ASH1L: variants seen among roughly 807,000 people sequenced by gnomAD.
ASH1L encodes histone-lysine N-methyltransferase ASH1L.
A neutral mutation model predicts 269.0 loss-of-function variants in ASH1L; 23 were observed. The observed-to-expected ratio is 0.09, with a 90% CI of 0.06 to 0.12. ASH1L has a LOEUF of 0.12. Ranked by LOEUF, ASH1L falls within the 10% of genes least tolerant of loss-of-function variation. ASH1L has a pLI of 1.00. For synonymous variants in ASH1L, 1,187 were observed against 1,253.5 expected (o/e 0.95, Z 1.12); for missense variants, 2,912 against 3,567.8 (o/e 0.82, Z 4.68).
chr1:155,556,589 C>T (rs768490847), intron 1 of ASH1L, among the ~76,000 whole-genome samples: 4 of 152,002 alleles, frequency 2.6e-5, no homozygotes, highest in Non-Finnish European at 4.4e-5. Flanking sequence ...GGACTACAGG[C>T]ACATGCCACC....
chr1:155,556,401 CGTGT>C (rs71080711), intron 1 of ASH1L, among the ~76,000 whole-genome samples: 47,050 of 140,156 alleles, frequency 0.34, 8,699 homozygotes, highest in East Asian at 0.7. Context: ...CATATATATA[CGTGT>C]GTGTGTGTGT....
At chr1:155,468,127 TCTC>T in intron 3 of ASH1L, among the ~76,000 whole-genome samples, 1 of 152,284 alleles carries the variant, frequency 6.6e-6, no homozygotes, top group Non-Finnish European at 1.5e-5. Flanking sequence ...TCCTTAGTCT[TCTC>T]TGTTCTGTAA....
At chr1:155,425,203 A>C (rs1333268217) in intron 5 of ASH1L, among the ~76,000 whole-genome samples, 1 of 150,616 alleles carries the variant, frequency 6.6e-6, no homozygotes, top group Non-Finnish European at 1.5e-5. Flanking sequence ...CGAACTCCTG[A>C]CCTCAAGTGA....
intron 20 of ASH1L, among the ~76,000 whole-genome samples, chr1:155,347,291 C>T (rs777233317): frequency 1.3e-5 from 2 of 152,072 alleles, no homozygotes; most frequent in Non-Finnish European, 2.9e-5. Context: ...CCTATAATCC[C>T]AGCTACTCGA....
At chr1:155,419,538 T>C (rs1222482505) in intron 5 of ASH1L, 3 of 152,176 alleles carry the variant, frequency 2.0e-5, no homozygotes, top group Non-Finnish European at 4.4e-5. Flanking sequence ...TACAGGTGAT[T>C]CTTGTTCCAC....
chr1:155,461,918 C>A (rs950329780), intron 3 of ASH1L, among the ~76,000 whole-genome samples: 1 of 151,418 alleles, frequency 6.6e-6, no homozygotes, highest in African/African-American at 2.4e-5. Context: ...CTTGCCTCAG[C>A]CTCCTGAGTA....
intron 1 of ASH1L, 112 bp downstream of exon 1, chr1:155,562,041 T>C (rs1444800700): frequency 3.9e-6 from 3 of 765,832 alleles, no homozygotes; most frequent in Non-Finnish European, 6.3e-6. Context: ...TCTTCACCAC[T>C]GCTCTCTCAG....
In ASH1L at chr1:155,481,082, A is replaced by G. The variant is rs1665925993; in HGVS notation, c.1788T>C (p.Ser596=). The change falls in exon 3 of 28, where the codon TCT becomes TCC. Residue 596 remains serine, a synonymous_variant. Coordinates refer to ENST00000392403, the MANE Select transcript of ASH1L (RefSeq NM_018489.3). ...SSTTELIEEI[S]ESVGKNQFTS... ...TAAACTGGTTCTTTCCAACAGATTC[A>G]GAAATTTCTTCGATTAGTTCTGTAG... 2.5e-6 allele frequency: 4 copies of G among 1,614,008 alleles called. No homozygotes were observed. Among genetic ancestry groups the G allele is most frequent in the Non-Finnish European group, 3.4e-6 (4 of 1,179,988 alleles).
chr1:155,403,064 A>C (rs1658988663), intron 6 of ASH1L, among the ~76,000 whole-genome samples: 1 of 151,778 alleles, frequency 6.6e-6, no homozygotes, highest in African/African-American at 2.4e-5. Context: ...GCACGCCTGT[A>C]ATCCCAGCTA....
chr1:155,364,694 C>T (rs1012509855), intron 12 of ASH1L, among the ~76,000 whole-genome samples: 1 of 152,060 alleles, frequency 6.6e-6, no homozygotes, highest in Non-Finnish European at 1.5e-5. Context: ...AATCCCAACA[C>T]TTTGGAAGGC....
intron 2 of ASH1L, among the ~76,000 whole-genome samples, chr1:155,499,438 T>C (rs1167462408): frequency 6.6e-6 from 1 of 152,128 alleles, no homozygotes; most frequent in Non-Finnish European, 1.5e-5. Context: ...ACGAAAGAGG[T>C]ACAATTTTGA....
intron 4 of ASH1L, among the ~76,000 whole-genome samples, chr1:155,446,163 C>A (rs893321484): frequency 6.6e-6 from 1 of 151,136 alleles, no homozygotes; most frequent in African/African-American, 2.4e-5. Context: ...GGATTACAGG[C>A]GTGAGCCACC....
rs563908945 is a variant in ASH1L, at chr1:155,441,941, A to AT, written c.5087-2874dup. The stretch of plus-strand genomic sequence containing the variant: ...CCAACATGCCCAGCTACTTTTTTGT[A>AT]TTTTTTGTAGAGATGGAGTTTTGCC... On this transcript the variant is annotated intron_variant, in intron 4 of 27. Transcript: ENST00000392403. 1.1e-3 allele frequency among the ~76,000 whole-genome samples: 161 copies of AT among 151,676 alleles called. 1 individual carries two copies. Among genetic ancestry groups the AT allele is most frequent in the African/African-American group, 3.8e-3 (156 of 41,370 alleles).
Position 155,354,613 on chromosome 1 carries a change from T to A in ASH1L, c.7073A>T (p.His2358Leu), listed in dbSNP as rs150326579. The part of the protein sequence containing the change: ...SNRERNFVLK[H>L]HVFLVRNWEK... Reference sequence around the variant, plus strand: ...CCAGTTTCGGACCAAGAATACATGATGCTTTAACACAAAGTTCCTGCAAGG... The same window carrying A: ...CCAGTTTCGGACCAAGAATACATGAAGCTTTAACACAAAGTTCCTGCAAGG... Residue 2358 changes from histidine to leucine, a missense_variant, in exon 16 of 28, where the codon CAT (histidine) becomes CTT (leucine). His to Leu is a moderately conservative substitution (Grantham distance 99). Transcript: ENST00000392403. 1 of 1,611,124 alleles carries A rather than the reference T, an allele frequency of 6.2e-7. No individual in the cohort carries two copies. The highest frequency in any genetic ancestry group is 8.5e-7 in the Non-Finnish European group (1 of 1,179,392).
At chr1:155,520,539 T>C (rs1030764156) in intron 2 of ASH1L, among the ~76,000 whole-genome samples, 6 of 152,008 alleles carry the variant, frequency 3.9e-5, no homozygotes, top group African/African-American at 1.2e-4. Context: ...ACACCTGTAA[T>C]CCCAGCACTT....
chr1:155,348,711 GTC>G (rs1308125437), intron 19 of ASH1L, among the ~76,000 whole-genome samples: 2 of 151,890 alleles, frequency 1.3e-5, no homozygotes, highest in Non-Finnish European at 2.9e-5. Context: ...GTGAAACCCT[GTC>G]TCTACTAAAA....
intron 6 of ASH1L, among the ~76,000 whole-genome samples, chr1:155,414,232 T>A (rs1558078450): frequency 1.3e-5 from 2 of 152,128 alleles, no homozygotes; most frequent in African/African-American, 4.8e-5. Context: ...GCTGCTGGAG[T>A]TATCTTAAAC....
chr1:155,534,130 G>T (rs954854069), intron 1 of ASH1L, among the ~76,000 whole-genome samples: 3 of 150,024 alleles, frequency 2.0e-5, no homozygotes, highest in Non-Finnish European at 3.0e-5. Context: ...AGCCATGGTG[G>T]TGCCATTGCA....
At chr1:155,494,136 A>G (rs917318176) in intron 2 of ASH1L, among the ~76,000 whole-genome samples, 3 of 152,228 alleles carry the variant, frequency 2.0e-5, no homozygotes, top group African/African-American at 7.2e-5. Flanking sequence ...GGGCTGTCGG[A>G]AAGTTCTGAT....
Sources: gnomAD v4.1 joint callset for allele counts (sites outside exome capture counted in the v4.1 genomes callset) on GRCh38, gnomAD v4.1.1 for gene constraint, MANE v1.5 for transcripts, NCBI Gene and HGNC (gene_info 2026-07-23, HGNC 2026-07-21) for gene names.